CMTM6: variants seen among roughly 807,000 people sequenced by gnomAD.
CMTM6 encodes the protein CKLF like MARVEL transmembrane domain containing 6.
A neutral mutation model predicts 13.6 loss-of-function variants in CMTM6; 5 were observed. That is an observed-to-expected ratio of 0.37 (90% CI 0.19 to 0.77). The LOEUF (loss-of-function observed/expected upper bound fraction) is 0.77, where lower values mean the gene tolerates loss of function less well. Ranked by LOEUF, CMTM6 falls within the 30% of genes least tolerant of loss-of-function variation. CMTM6 has a pLI of 0.50. For synonymous variants in CMTM6, 99 were observed against 84.5 expected (o/e 1.17, Z -0.94); for missense variants, 196 against 218.6 (o/e 0.90, Z 0.65).
chr3:32,485,265 T>G (rs1697193206), intron 3 of CMTM6, among the ~76,000 whole-genome samples: 1 of 152,054 alleles, frequency 6.6e-6, no homozygotes, highest in Non-Finnish European at 1.5e-5. Context: ...CATTTAAGTC[T>G]ATAAAACTTT....
At chr3:32,484,680 C>T (rs115411102) in intron 3 of CMTM6, among the ~76,000 whole-genome samples, 12 of 152,200 alleles carry the variant, frequency 7.9e-5, no homozygotes, top group Admixed American at 7.2e-4. Flanking sequence ...TACGATCATA[C>T]GTTCTGAGAA....
chr3:32,502,450 A>T (rs1697353597), intron 1 of CMTM6, among the ~76,000 whole-genome samples, 158 bp downstream of exon 1: 1 of 152,128 alleles, frequency 6.6e-6, no homozygotes. Context: ...GGCGGAGGGT[A>T]ACGCCCCCTT....
chr3:32,491,987 TGAG>T, intron 1 of CMTM6, 101 bp from the exon 2 acceptor site: 3 of 992,274 alleles, frequency 3.0e-6, no homozygotes, highest in Non-Finnish European at 4.4e-6. Context: ...ATATTTACAA[TGAG>T]GAGACTATGG....
At position 32,482,614 on chromosome 3, in the gene CMTM6, T is replaced by C. The variant is rs1194636572; in HGVS notation, c.*1346A>G. On this transcript the variant is annotated 3_prime_UTR_variant, in exon 4 of 4. Coordinates refer to ENST00000205636, the MANE Select transcript of CMTM6 (RefSeq NM_017801.3). ...TGCCCTGCCTATCTGTGACAGCTGCTAGCCAACAGACAATTCTGGTTATGA... is the reference window on the plus strand; with the variant it reads ...TGCCCTGCCTATCTGTGACAGCTGCCAGCCAACAGACAATTCTGGTTATGA... 6.6e-6 allele frequency: 1 copy of C among 152,068 alleles called. No homozygotes were observed. Among genetic ancestry groups the C allele is most frequent in the Non-Finnish European group, 1.5e-5 (1 of 68,030 alleles). The allele number at this position is 152,068 out of a possible 1,614,324, so 9.4% of individuals were successfully genotyped here. A position where few individuals can be genotyped will look rare whatever the true frequency, so the allele number is the denominator to read the frequency against.
intron 3 of CMTM6, 89 bp from the exon 4 acceptor site, chr3:32,484,186 C>A: frequency 8.6e-7 from 1 of 1,169,268 alleles, no homozygotes; most frequent in Non-Finnish European, 1.1e-6. Flanking sequence ...TTCATATAAA[C>A]AAGATGTTCA....
intron 1 of CMTM6, among the ~76,000 whole-genome samples, chr3:32,496,933 T>C (rs1697296851): frequency 6.6e-6 from 1 of 151,990 alleles, no homozygotes; most frequent in African/African-American, 2.4e-5. Flanking sequence ...GATGTTTAGA[T>C]GAAGGCAGGA....
In CMTM6 at chr3:32,482,013, T is replaced by TTAGA. The variant is rs1372589090; in HGVS notation, c.*1943_*1946dup. 1.3e-5 allele frequency: 2 copies of TTAGA among 152,018 alleles called. No individual in the cohort carries two copies. Among genetic ancestry groups the TTAGA allele is most frequent in the East Asian group, 1.9e-4 (1 of 5,190 alleles). The allele number at this position is 152,018 out of a possible 1,614,324, so 9.4% of individuals were successfully genotyped here. On this transcript the variant is annotated 3_prime_UTR_variant, in exon 4 of 4. Transcript: ENST00000205636. ...TAGCCCAGATGATATGCTCTGAATT[T>TTAGA]TAGATAGGTCTAAATCACAATGGTA...
intron 1 of CMTM6, 102 bp from the exon 2 acceptor site, chr3:32,491,988 G>T: frequency 1.0e-6 from 1 of 990,218 alleles, no homozygotes; most frequent in Non-Finnish European, 1.5e-6. Flanking sequence ...TATTTACAAT[G>T]AGGAGACTAT....
chr3:32,493,635 T>C (rs912910769), intron 1 of CMTM6, among the ~76,000 whole-genome samples: 1 of 152,110 alleles, frequency 6.6e-6, no homozygotes, highest in African/African-American at 2.4e-5. Context: ...GATAGCCTTA[T>C]GTGGAAATCT....
rs1260241740 is a variant in CMTM6, at chr3:32,488,024, T to A, written c.328A>T (p.Thr110Ser). 1 of 1,611,828 alleles carries A rather than the reference T, an allele frequency of 6.2e-7. No homozygotes were observed. The highest frequency in any genetic ancestry group is 8.5e-7 in the Non-Finnish European group (1 of 1,178,398). Residue 110 changes from threonine to serine, a missense_variant, in exon 3 of 4, where the codon ACT becomes TCT. Transcript: ENST00000205636. ...TKVKSSDFYI[T>S]LGTGCVFLLA... The stretch of plus-strand genomic sequence containing the variant: ...AAAAACACACATCCTGTTCCCAAAG[T>A]AATATAAAAATCCTATGCATACATA...
intron 3 of CMTM6, among the ~76,000 whole-genome samples, chr3:32,484,475 C>T (rs1055571869): frequency 3.9e-5 from 6 of 152,120 alleles, no homozygotes; most frequent in Admixed American, 3.3e-4. Flanking sequence ...AAGGAAAATA[C>T]GTGACTAGGC....
intron 1 of CMTM6, among the ~76,000 whole-genome samples, chr3:32,495,337 A>C (rs143523866): frequency 8.8e-4 from 134 of 152,320 alleles, no homozygotes; most frequent in Middle Eastern, 3.4e-3. Context: ...TAAAGTGACA[A>C]CACCAAGATA....
Position 32,483,342 on chromosome 3 carries a change from A to G in CMTM6, c.*618T>C, listed in dbSNP as rs964675568. ...AATACCAACATCTCCCATACATTTTATAGGCTATACGAAGGTCTCAAAGAA... is the reference window on the plus strand; with the variant it reads ...AATACCAACATCTCCCATACATTTTGTAGGCTATACGAAGGTCTCAAAGAA... On this transcript the variant is annotated 3_prime_UTR_variant, in exon 4 of 4. Coordinates refer to ENST00000205636, the MANE Select transcript of CMTM6 (RefSeq NM_017801.3). The G allele has an allele frequency of 1.3e-5, 2 of 152,654 alleles. No individual in the cohort carries two copies. Among genetic ancestry groups the G allele is most frequent in the Non-Finnish European group, 2.9e-5 (2 of 68,044 alleles). 9.5% of individuals were successfully genotyped at this position (152,654 alleles called of 1,614,324 possible). A position where few individuals can be genotyped will look rare whatever the true frequency, so the allele number is the denominator to read the frequency against.
intron 1 of CMTM6, among the ~76,000 whole-genome samples, chr3:32,493,871 G>A (rs1267936869): frequency 6.6e-6 from 1 of 152,192 alleles, no homozygotes; most frequent in Non-Finnish European, 1.5e-5. Context: ...ACATTAGCAA[G>A]AAAAGTTCCA....
Position 32,483,937 on chromosome 3 carries a change from G to A in CMTM6, c.*23C>T, listed in dbSNP as rs770139169. On this transcript the variant is annotated 3_prime_UTR_variant, in exon 4 of 4. Coordinates refer to ENST00000205636, the MANE Select transcript of CMTM6 (RefSeq NM_017801.3). ...CCACAATGCAGGGTCACTACCTTAG[G>A]TAACATCTGCTCCCCAGAGTCTTTA... 6.4e-7 allele frequency: 1 copy of A among 1,568,318 alleles called. No individual in the cohort carries two copies. The highest frequency in any genetic ancestry group is 2.3e-5 in the East Asian group (1 of 43,558).
At chr3:32,484,804 G>A (rs975087592) in intron 3 of CMTM6, among the ~76,000 whole-genome samples, 1 of 151,916 alleles carries the variant, frequency 6.6e-6, no homozygotes, top group Non-Finnish European at 1.5e-5. Flanking sequence ...GAAAATTGAT[G>A]TAGGTGATGG....
chr3:32,498,063 GTCA>G (rs371406873), intron 1 of CMTM6, among the ~76,000 whole-genome samples: 54 of 152,226 alleles, frequency 3.5e-4, no homozygotes, highest in African/African-American at 1.0e-3. Flanking sequence ...ATAGCATGAA[GTCA>G]TCATACTAAA....
At chr3:32,490,161 G>A (rs1010471688) in intron 2 of CMTM6, among the ~76,000 whole-genome samples, 16 of 151,566 alleles carry the variant, frequency 1.1e-4, no homozygotes, top group Admixed American at 7.9e-4. Context: ...CAGGAGAATC[G>A]TTTGAACCCG....
intron 3 of CMTM6, among the ~76,000 whole-genome samples, chr3:32,486,409 A>G (rs1004705302): frequency 4.1e-5 from 4 of 96,762 alleles, no homozygotes; most frequent in African/African-American, 2.3e-4. Flanking sequence ...ATGGAGTAAG[A>G]CTACTTAGTC....
Sources: gnomAD v4.1 joint callset for allele counts (sites outside exome capture counted in the v4.1 genomes callset) on GRCh38, gnomAD v4.1.1 for gene constraint, MANE v1.5 for transcripts, NCBI Gene and HGNC (gene_info 2026-07-23, HGNC 2026-07-21) for gene names.